Variants in ABCA6 observed in about 807,000 individuals in gnomAD.
ABCA6 encodes the protein ATP-binding cassette sub-family A member 6.
A neutral mutation model predicts 191.2 loss-of-function variants in ABCA6; 164 were observed. That is an observed-to-expected ratio of 0.86 (90% CI 0.76 to 0.98). ABCA6 has a LOEUF of 0.98. ABCA6 is among the 50% of genes least tolerant of loss of function. The probability of loss-of-function intolerance (pLI) is 0.00; values close to 1 mark genes in which losing one functional copy is unlikely to be tolerated. For missense variants in ABCA6, 1,958 were observed against 1,894.1 expected (o/e 1.03, Z -0.63); for synonymous variants, 636 against 647.7 (o/e 0.98, Z 0.27).
chr17:69,126,526 T>C (rs2073757405), intron 8 of ABCA6, among the ~76,000 whole-genome samples: 1 of 151,996 alleles, frequency 6.6e-6, no homozygotes, highest in African/African-American at 2.4e-5. Context: ...TGTATGTCTA[T>C]AGTCCTAGTT....
In ABCA6 at chr17:69,114,937, C is replaced by T; in HGVS notation, c.1607G>A (p.Gly536Glu). The stretch of plus-strand genomic sequence containing the variant: ...ATTTTTATTATAGATGGTAACTGAT[C>T]CTAAGAATAGAAGTTAAAAATAAAA... ...ILNGLSVPTE[G>E]SVTIYNKNLS... The change falls in exon 13 of 39, where the codon GGA (glycine) becomes GAA (glutamate). Residue 536 changes from glycine (G) to glutamate (E), a missense_variant and splice_region_variant. Physicochemically the swap from Gly to Glu is moderately conservative, Grantham distance 98 (BLOSUM62 -2). Coordinates refer to ENST00000284425, the MANE Select transcript of ABCA6 (RefSeq NM_080284.3). 3 of 1,596,106 alleles carry T rather than the reference C, an allele frequency of 1.9e-6. No homozygotes were observed. The highest frequency in any genetic ancestry group is 2.6e-6 in the Non-Finnish European group (3 of 1,170,212).
At chr17:69,105,815 G>A (rs902236927) in intron 19 of ABCA6, 187 bp from the exon 20 acceptor site, 1 of 711,128 alleles carries the variant, frequency 1.4e-6, no homozygotes, top group Admixed American at 3.1e-5. Context: ...TAAACACCAG[G>A]TTATCAAACC....
At chr17:69,105,971 G>C (rs1231279815) in intron 19 of ABCA6, 57 bp downstream of exon 19, 1 of 1,503,842 alleles carries the variant, frequency 6.6e-7, no homozygotes, top group Non-Finnish European at 8.9e-7. Flanking sequence ...TTATCTTCTG[G>C]TTTGAACCTC....
intron 11 of ABCA6, 178 bp from the exon 12 acceptor site, chr17:69,115,664 G>A (rs961307522): frequency 4.6e-6 from 2 of 438,500 alleles, no homozygotes; most frequent in African/African-American, 4.0e-5. Flanking sequence ...ATATGTGACA[G>A]AACTATAATA....
chr17:69,083,451 T>C, intron 34 of ABCA6, 120 bp from the exon 35 acceptor site: 4 of 962,900 alleles, frequency 4.2e-6, no homozygotes, highest in Non-Finnish European at 4.3e-6. Flanking sequence ...GCAATGTAAG[T>C]ACTGACTAGG....
intron 3 of ABCA6, 147 bp from the exon 4 acceptor site, chr17:69,136,397 G>A (rs1300200976): frequency 3.2e-6 from 2 of 633,718 alleles, no homozygotes; most frequent in African/African-American, 3.8e-5. Context: ...CCAAATGCAA[G>A]GGGGGAAATT....
Position 69,084,520 on chromosome 17 carries a change from A to C in ABCA6, c.4185-13T>G. 2 of 1,613,516 alleles carry C rather than the reference A, an allele frequency of 1.2e-6. No homozygotes were observed. Among genetic ancestry groups the C allele is most frequent in the Non-Finnish European group, 1.7e-6 (2 of 1,179,566 alleles). On this transcript the variant is annotated splice_polypyrimidine_tract_variant and intron_variant, in intron 32 of 38. Coordinates refer to ENST00000284425, the MANE Select transcript of ABCA6 (RefSeq NM_080284.3). ...AGCACTCACTAATCTGACAGAAAAC[A>C]GAATGAGAATATCTGGTCAAGACAA...
intron 36 of ABCA6, among the ~76,000 whole-genome samples, chr17:69,082,629 T>C (rs760454219): frequency 1.3e-5 from 2 of 152,186 alleles, no homozygotes; most frequent in Non-Finnish European, 2.9e-5. Flanking sequence ...TCTTTCCAAG[T>C]ACCCCTCTGG....
intron 26 of ABCA6, among the ~76,000 whole-genome samples, chr17:69,089,824 C>T (rs1036569698): frequency 1.3e-5 from 2 of 152,084 alleles, no homozygotes; most frequent in African/African-American, 4.8e-5. Flanking sequence ...ATTACTGAAG[C>T]ATATGTTATT....
At chr17:69,121,462 T>C (rs2073640873) in intron 10 of ABCA6, among the ~76,000 whole-genome samples, 1 of 151,990 alleles carries the variant, frequency 6.6e-6, no homozygotes, top group Non-Finnish European at 1.5e-5. Context: ...TGAATAGTCC[T>C]TGCATCAAAT....
chr17:69,125,051 T>A lies in ABCA6; in HGVS notation c.1120-16A>T. The A allele has an allele frequency of 8.1e-7, 1 of 1,232,674 alleles. No homozygotes were observed. The highest frequency in any genetic ancestry group is 1.1e-6 in the Non-Finnish European group (1 of 925,398). The allele number at this position is 1,232,674 out of a possible 1,614,324, so 76.4% of individuals were successfully genotyped here. A position where few individuals can be genotyped will look rare whatever the true frequency, so the allele number is the denominator to read the frequency against. On this transcript the variant is annotated splice_polypyrimidine_tract_variant and intron_variant, in intron 8 of 38. Transcript: ENST00000284425. ...GTTTGATAATCTAAGATTCAAAAAA[T>A]AAAAATAAATGTTTAAAATAAATAA...
intron 16 of ABCA6, chr17:69,111,724 T>G (rs1475811401): frequency 6.5e-6 from 1 of 154,296 alleles, no homozygotes; most frequent in African/African-American, 2.4e-5. Context: ...ATTAGCAGCA[T>G]GAGAACAGAC....
chr17:69,135,864 TG>T, intron 4 of ABCA6: 1 of 514,224 alleles, frequency 1.9e-6, no homozygotes, highest in Non-Finnish European at 3.4e-6. Flanking sequence ...ATGTGTCCTT[TG>T]ACACATGCAT....
At position 69,113,402 on chromosome 17, in the gene ABCA6, A is replaced by T. The variant is rs201620591; in HGVS notation, c.1903-42T>A. ...TATATAAAATATGTCTCTCTTTCAC[A>T]TTAACTGTATCCAGAAGATAGCATG... is the stretch of plus-strand genomic sequence containing the variant. On this transcript the variant is annotated intron_variant, in intron 14 of 38. Transcript: ENST00000284425. The T allele has an allele frequency of 4.5e-6, 7 of 1,566,332 alleles. No individual in the cohort carries two copies. The East Asian group carries it at 1.4e-4, about 30-fold the overall frequency.
intron 25 of ABCA6, among the ~76,000 whole-genome samples, chr17:69,092,643 T>C (rs1293495974): frequency 1.3e-5 from 2 of 152,204 alleles, no homozygotes; most frequent in African/African-American, 2.4e-5. Flanking sequence ...CCTGGGGGTA[T>C]GGAATTCCAC....
chr17:69,140,788 A>T, intron 1 of ABCA6, 40 bp from the exon 2 acceptor site: 4 of 741,618 alleles, frequency 5.4e-6, no homozygotes, highest in Non-Finnish European at 6.2e-6. Flanking sequence ...CCTTGATCAT[A>T]GTGTTGAGGA....
At chr17:69,093,626 G>A (rs892631206) in intron 25 of ABCA6, among the ~76,000 whole-genome samples, 2 of 152,094 alleles carry the variant, frequency 1.3e-5, no homozygotes, top group African/African-American at 4.8e-5. Flanking sequence ...AGACTTTCAG[G>A]ACACATGTCT....
intron 5 of ABCA6, 99 bp from the exon 6 acceptor site, chr17:69,133,966 T>C: frequency 1.2e-6 from 1 of 823,482 alleles, no homozygotes; most frequent in Non-Finnish European, 1.9e-6. Flanking sequence ...GGTTCTCCAA[T>C]TTTTCTTACT....
chr17:69,092,421 T>G (rs2072946647), intron 25 of ABCA6, among the ~76,000 whole-genome samples: 1 of 152,192 alleles, frequency 6.6e-6, no homozygotes, highest in Non-Finnish European at 1.5e-5. Context: ...CTGACTCCTC[T>G]TATTCTACCA....
Sources: gnomAD v4.1 joint callset for allele counts (sites outside exome capture counted in the v4.1 genomes callset) on GRCh38, gnomAD v4.1.1 for gene constraint, MANE v1.5 for transcripts, NCBI Gene and HGNC (gene_info 2026-07-23, HGNC 2026-07-21) for gene names.